IGSF21: variants seen among roughly 807,000 people sequenced by gnomAD.
The protein encoded by IGSF21 is immunoglobin superfamily member 21, also known as immunoglobulin superfamily member 21.
IGSF21 carries 28 observed loss-of-function variants against 46.8 expected under a neutral mutation model. That is an observed-to-expected ratio of 0.60 (90% CI 0.44 to 0.82). The LOEUF (loss-of-function observed/expected upper bound fraction) is 0.82, where lower values mean the gene tolerates loss of function less well. Among genes scored for constraint, IGSF21 ranks in the 40% least tolerant of loss-of-function variants. The pLI, the probability that IGSF21 is intolerant of heterozygous loss-of-function variation, is 0.00. For missense variants in IGSF21, 624 were observed against 665.5 expected, an observed-to-expected ratio of 0.94 and a Z score of 0.69; for synonymous variants, 284 against 273.6, an observed-to-expected ratio of 1.04 and a Z score of -0.38.
intron 2 of IGSF21, among the ~76,000 whole-genome samples, chr1:18,244,936 A>G (rs2084770370): frequency 6.6e-6 from 1 of 152,168 alleles, no homozygotes; most frequent in Admixed American, 6.5e-5. Flanking sequence ...AAGCTGTGTG[A>G]CTTTTAACAA....
At chr1:18,216,751 A>G (rs1231537327) in intron 1 of IGSF21, among the ~76,000 whole-genome samples, 7 of 152,234 alleles carry the variant, frequency 4.6e-5, no homozygotes, top group Non-Finnish European at 1.0e-4. Context: ...TTCGGCCAAC[A>G]AGGAGGTAGA....
At chr1:18,206,759 T>C (rs1312857877) in intron 1 of IGSF21, among the ~76,000 whole-genome samples, 1 of 152,176 alleles carries the variant, frequency 6.6e-6, no homozygotes, top group Non-Finnish European at 1.5e-5. Context: ...ACTTTGGCTC[T>C]GACTGTTCAG....
At chr1:18,244,250 C>G (rs140090205) in intron 2 of IGSF21, among the ~76,000 whole-genome samples, 3 of 152,346 alleles carry the variant, frequency 2.0e-5, no homozygotes, top group African/African-American at 7.2e-5. Flanking sequence ...CGGGAGATTT[C>G]TTAAGCTACA....
At chr1:18,342,950 T>C (rs551477961) in intron 4 of IGSF21, among the ~76,000 whole-genome samples, 1 of 152,342 alleles carries the variant, frequency 6.6e-6, no homozygotes, top group African/African-American at 2.4e-5. Context: ...TGGGTATGTA[T>C]CCTTGGAGTA....
intron 1 of IGSF21, among the ~76,000 whole-genome samples, chr1:18,130,806 C>T (rs1244504163): frequency 6.6e-6 from 1 of 152,242 alleles, no homozygotes; most frequent in Non-Finnish European, 1.5e-5. Flanking sequence ...AGCAGCAGCC[C>T]TCCTACAGGT....
intron 1 of IGSF21, among the ~76,000 whole-genome samples, chr1:18,176,362 A>T (rs1401783367): frequency 6.6e-6 from 1 of 152,214 alleles, no homozygotes; most frequent in African/African-American, 2.4e-5. Flanking sequence ...AGGAACGATC[A>T]CAGGCTCTGG....
intron 1 of IGSF21, among the ~76,000 whole-genome samples, chr1:18,187,121 G>C (rs376273857): frequency 2.0e-5 from 3 of 151,970 alleles, no homozygotes; most frequent in African/African-American, 7.3e-5. Context: ...GGAAGTCCAA[G>C]ATCAGATGGC....
intron 1 of IGSF21, among the ~76,000 whole-genome samples, chr1:18,175,433 G>C (rs2086786037): frequency 6.6e-6 from 1 of 152,192 alleles, no homozygotes; most frequent in African/African-American, 2.4e-5. Context: ...GGGAGGAAAC[G>C]AGAAAGAGCC....
intron 4 of IGSF21, among the ~76,000 whole-genome samples, chr1:18,347,436 CAG>C (rs2085905755): frequency 1.3e-5 from 2 of 152,178 alleles, no homozygotes; most frequent in Non-Finnish European, 2.9e-5. Context: ...GTCAGGAAAA[CAG>C]AGGGACATCC....
chr1:18,221,675 T>C (rs2084511703), intron 1 of IGSF21, among the ~76,000 whole-genome samples: 1 of 152,190 alleles, frequency 6.6e-6, no homozygotes, highest in African/African-American at 2.4e-5. Context: ...GATAATGAAC[T>C]GCTTAGTTAA....
At chr1:18,299,434 T>A (rs1262892777) in intron 3 of IGSF21, among the ~76,000 whole-genome samples, 1 of 152,262 alleles carries the variant, frequency 6.6e-6, no homozygotes, top group Non-Finnish European at 1.5e-5. Flanking sequence ...AAAAGTGCCA[T>A]CTGACCCTCG....
At chr1:18,262,858 G>A (rs409490) in intron 2 of IGSF21, among the ~76,000 whole-genome samples, 20,567 of 152,248 alleles carry the variant, frequency 0.14, 1,485 homozygotes, top group Middle Eastern at 0.22. Flanking sequence ...CAAGGGGCTG[G>A]TGAGGCAAGT....
chr1:18,195,456 T>C (rs1231804815), intron 1 of IGSF21, among the ~76,000 whole-genome samples: 1 of 152,190 alleles, frequency 6.6e-6, no homozygotes, highest in Admixed American at 6.5e-5. Context: ...GAACCCCTTC[T>C]TCCTCTTCCT....
At chr1:18,250,577 T>C (rs539211265) in intron 2 of IGSF21, among the ~76,000 whole-genome samples, 15 of 152,186 alleles carry the variant, frequency 9.9e-5, no homozygotes, top group Non-Finnish European at 2.1e-4. Flanking sequence ...CCTTCAAACA[T>C]TATATGGCGA....
chr1:18,343,672 T>C (rs1167778143), intron 4 of IGSF21, among the ~76,000 whole-genome samples: 1 of 152,256 alleles, frequency 6.6e-6, no homozygotes, highest in Non-Finnish European at 1.5e-5. Context: ...GATGTCTGGT[T>C]GTCCCAGCAC....
At chr1:18,205,172 AGAGGAGAGAG>A (rs1251172898) in intron 1 of IGSF21, among the ~76,000 whole-genome samples, 1 of 151,932 alleles carries the variant, frequency 6.6e-6, no homozygotes, top group East Asian at 1.9e-4. Flanking sequence ...AGAGAGAGGG[AGAGGAGAGAG>A]GAGGAGAGAG....
At chr1:18,317,138 T>C (rs4920477) in intron 3 of IGSF21, among the ~76,000 whole-genome samples, 133,751 of 152,274 alleles carry the variant, frequency 0.88, 58,800 homozygotes, top group East Asian at 0.99. Context: ...CTAGAGATAG[T>C]GTGGATCAAG....
chr1:18,184,137 C>G (rs1283517998), intron 1 of IGSF21, among the ~76,000 whole-genome samples: 1 of 152,106 alleles, frequency 6.6e-6, no homozygotes, highest in Non-Finnish European at 1.5e-5. Context: ...CTCAATTTCC[C>G]CACCAAAAAA....
intron 1 of IGSF21, among the ~76,000 whole-genome samples, chr1:18,149,174 G>C (rs2086498274): frequency 6.6e-6 from 1 of 152,046 alleles, no homozygotes; most frequent in South Asian, 2.1e-4. Context: ...CCTCTGTCCA[G>C]CCTGGCACAG....
Sources: gnomAD v4.1 joint callset for allele counts (sites outside exome capture counted in the v4.1 genomes callset) on GRCh38, gnomAD v4.1.1 for gene constraint, MANE v1.5 for transcripts, NCBI Gene and HGNC (gene_info 2026-07-23, HGNC 2026-07-21) for gene names.